The following TPO variants were observed in gnomAD, a reference collection of about 807,000 sequenced individuals.
TPO encodes thyroid microsomal antigen.
TPO carries 78 observed loss-of-function variants against 96.9 expected under a neutral mutation model. That is an observed-to-expected ratio of 0.81 (90% CI 0.67 to 0.97). The LOEUF (loss-of-function observed/expected upper bound fraction) is 0.97, where lower values mean the gene tolerates loss of function less well. Among genes scored for constraint, TPO ranks in the 50% least tolerant of loss-of-function variants. The probability of loss-of-function intolerance (pLI) is 0.00; values close to 1 mark genes in which losing one functional copy is unlikely to be tolerated. For missense variants in TPO, 1,252 were observed against 1,274.8 expected (o/e 0.98, Z 0.27); for synonymous variants, 547 against 538.0 (o/e 1.02, Z -0.23).
At position 1,383,480 on chromosome 2, in the gene TPO, T is replaced by C. The variant is rs191646896; in HGVS notation, n.180+9078T>C. On this transcript the variant is annotated intron_variant and non_coding_transcript_variant, in intron 1 of 5. Transcript: ENST00000497517. Reference sequence around the variant, plus strand: ...TTTGCATTTCTCTGATGGCCAGTGATGATGAGCAGTTTTTCATGTGTCTGT... The same window carrying C: ...TTTGCATTTCTCTGATGGCCAGTGACGATGAGCAGTTTTTCATGTGTCTGT... Among the ~76,000 whole-genome samples, 7 of 152,340 alleles carry C rather than the reference T, an allele frequency of 4.6e-5. No homozygotes were observed. The East Asian group carries it at 1.4e-3, about 29-fold the overall frequency.
At chr2:1,423,267 G>T (rs1475341239) in intron 3 of TPO, 138 bp downstream of exon 3, 4 of 776,894 alleles carry the variant, frequency 5.1e-6, no homozygotes, top group African/African-American at 3.4e-5. Flanking sequence ...CTTCCCCAGT[G>T]TCATGTGCAA....
rs1486343546 is a variant in TPO, at chr2:1,504,063, T to C, written c.2502T>C (p.Asp834=). The C allele has an allele frequency of 6.2e-6, 10 of 1,614,176 alleles. No individual in the cohort carries two copies. Among genetic ancestry groups the C allele is most frequent in the Non-Finnish European group, 6.8e-6 (8 of 1,180,044 alleles). The change falls in exon 14 of 17, where the codon GAT becomes GAC. Residue 834 remains aspartate (D), a synonymous_variant. Transcript: ENST00000329066. Reference sequence around the variant, plus strand: ...CGGACCCCTACGAGTTAGGAGACGATGGGAGAACCTGCGTAGGTGAGGCTG... The same window carrying C: ...CGGACCCCTACGAGTTAGGAGACGACGGGAGAACCTGCGTAGGTGAGGCTG... ...LCADPYELGD[D]GRTCVDSGRL...
chr2:1,516,158 G>C (rs986419910), intron 14 of TPO, among the ~76,000 whole-genome samples: 2 of 152,140 alleles, frequency 1.3e-5, no homozygotes, highest in Non-Finnish European at 2.9e-5. Flanking sequence ...ACAGGTCCAG[G>C]TGGGAGGCAC....
chr2:1,440,781 A>G (rs1206557979), intron 5 of TPO, among the ~76,000 whole-genome samples: 1 of 152,012 alleles, frequency 6.6e-6, no homozygotes, highest in Non-Finnish European at 1.5e-5. Flanking sequence ...TTGTAAGTGA[A>G]TGGAGCAGGC....
chr2:1,433,699 T>C, intron 4 of TPO, 92 bp downstream of exon 4: 1 of 1,491,050 alleles, frequency 6.7e-7, no homozygotes, highest in Non-Finnish European at 9.2e-7. Context: ...AGGGCATGTT[T>C]TTTACTTGAG....
chr2:1,434,096 C>T (rs1665310846), intron 4 of TPO, among the ~76,000 whole-genome samples: 2 of 152,138 alleles, frequency 1.3e-5, no homozygotes, highest in Admixed American at 6.5e-5. Flanking sequence ...AGTGGCACTG[C>T]TCACTCCAAT....
chr2:1,502,834 A>G (rs1673010668), intron 13 of TPO, among the ~76,000 whole-genome samples: 1 of 152,222 alleles, frequency 6.6e-6, no homozygotes, highest in South Asian at 2.1e-4. Context: ...CACAGCTGAC[A>G]TAATGATACC....
chr2:1,537,053 CCCAAATCCCTGCCACTGTGTGCAACCTCA>C (rs1452601685), intron 15 of TPO, among the ~76,000 whole-genome samples: 5 of 117,680 alleles, frequency 4.2e-5, no homozygotes, highest in Admixed American at 1.8e-4. Flanking sequence ...GTGCAACCTC[CCCAAATCCCTGCCACTGTGTGCAACCTCA>C]CCAAATCCGT....
intron 6 of TPO, among the ~76,000 whole-genome samples, chr2:1,454,841 A>C (rs1667643845): frequency 6.6e-6 from 1 of 152,234 alleles, no homozygotes; most frequent in Non-Finnish European, 1.5e-5. Context: ...ATCAGAGTTC[A>C]AGTGTCTTTA....
chr2:1,422,384 G>GTGC (rs1663812913), intron 2 of TPO, among the ~76,000 whole-genome samples: 1 of 113,688 alleles, frequency 8.8e-6, no homozygotes, highest in Non-Finnish European at 1.8e-5. Flanking sequence ...CCTCGTGCAG[G>GTGC]CGCCGCGCTG....
chr2:1,465,460 A>G (rs1157493316), intron 7 of TPO, among the ~76,000 whole-genome samples: 2 of 152,002 alleles, frequency 1.3e-5, no homozygotes, highest in Non-Finnish European at 2.9e-5. Context: ...TTTGATGGGA[A>G]TTGTGTTGAA....
intron 10 of TPO, among the ~76,000 whole-genome samples, chr2:1,488,910 A>G (rs924175302): frequency 2.6e-5 from 4 of 152,320 alleles, no homozygotes; most frequent in African/African-American, 9.6e-5. Context: ...GGGAGGATGC[A>G]GAAGGGGCCC....
At chr2:1,445,215 T>A (rs372059559) in intron 5 of TPO, among the ~76,000 whole-genome samples, 1 of 93,360 alleles carries the variant, frequency 1.1e-5, no homozygotes, top group African/African-American at 4.2e-5. Context: ...GCTGCAGGAG[T>A]CACCATGTTG....
chr2:1,437,996 C>T (rs941445268), intron 5 of TPO, among the ~76,000 whole-genome samples: 5 of 151,974 alleles, frequency 3.3e-5, no homozygotes, highest in African/African-American at 1.2e-4. Flanking sequence ...GGATGCACGG[C>T]TGGAGGGACC....
intron 15 of TPO, among the ~76,000 whole-genome samples, chr2:1,538,433 G>T (rs1196827491): frequency 6.6e-6 from 1 of 152,114 alleles, no homozygotes; most frequent in Non-Finnish European, 1.5e-5. Flanking sequence ...ATTTGACAAG[G>T]ATTGTTTTTG....
chr2:1,493,524 CTGGGCAGTGTCACAGGGTGGGACAGGA>C (rs1558358290), intron 10 of TPO, among the ~76,000 whole-genome samples: 6 of 89,916 alleles, frequency 6.7e-5, no homozygotes, highest in African/African-American at 2.3e-4. Context: ...TGGCAAACTG[CTGGGCAGTGTCACAGGGTGGGACAGGA>C]CTCTGCCCGG....
At chr2:1,474,594 C>T (rs2148662841) in intron 7 of TPO, among the ~76,000 whole-genome samples, 1 of 152,338 alleles carries the variant, frequency 6.6e-6, no homozygotes. Flanking sequence ...ATCACCTTGT[C>T]TATCTCTTCC....
intron 3 of TPO, among the ~76,000 whole-genome samples, chr2:1,423,565 T>G (rs1342266300): frequency 6.6e-6 from 1 of 152,210 alleles, no homozygotes; most frequent in African/African-American, 2.4e-5. Flanking sequence ...AATTAGCATT[T>G]GTAATTATAT....
chr2:1,405,163 A>T (rs1662230717), intron 1 of TPO, among the ~76,000 whole-genome samples: 1 of 148,872 alleles, frequency 6.7e-6, no homozygotes, highest in African/African-American at 2.5e-5. Flanking sequence ...TTTATCCATT[A>T]TCCACCCACC....
Sources: gnomAD v4.1 joint callset for allele counts (sites outside exome capture counted in the v4.1 genomes callset) on GRCh38, gnomAD v4.1.1 for gene constraint, MANE v1.5 for transcripts, NCBI Gene and HGNC (gene_info 2026-07-23, HGNC 2026-07-21) for gene names.